ANO4: variants seen among roughly 807,000 people sequenced by gnomAD.
ANO4 encodes the protein anoctamin 4.
ANO4 carries 69 observed loss-of-function variants against 141.9 expected under a neutral mutation model. The ratio of observed to expected loss-of-function variants is 0.49; its 90% CI spans 0.40 to 0.59. ANO4 has a LOEUF of 0.59. Among genes scored for constraint, ANO4 ranks in the 20% least tolerant of loss-of-function variants. ANO4 has a pLI of 0.00. For synonymous variants in ANO4, 350 were observed against 394.3 expected (o/e 0.89, Z 1.33); for missense variants, 894 against 1,162.2 (o/e 0.77, Z 3.36).
At chr12:100,861,889 A>T (rs1300052245) in intron 1 of ANO4, among the ~76,000 whole-genome samples, 2 of 152,094 alleles carry the variant, frequency 1.3e-5, no homozygotes, top group Non-Finnish European at 2.9e-5. Flanking sequence ...AAACTCACAC[A>T]TTAGCGTAGG....
intron 1 of ANO4, among the ~76,000 whole-genome samples, chr12:100,894,958 T>C (rs2040276463): frequency 8.3e-6 from 1 of 120,006 alleles, no homozygotes; most frequent in Non-Finnish European, 1.7e-5. Flanking sequence ...AGAGCGAGAC[T>C]CCATCTCAAA....
At chr12:100,949,943 A>G (rs1350386985) in intron 5 of ANO4, among the ~76,000 whole-genome samples, 5 of 152,298 alleles carry the variant, frequency 3.3e-5, no homozygotes, top group East Asian at 1.9e-4. Flanking sequence ...AAATCTTCAC[A>G]AAGATTTCCC....
At chr12:100,953,065 A>T (rs1462748654) in intron 5 of ANO4, among the ~76,000 whole-genome samples, 1 of 152,226 alleles carries the variant, frequency 6.6e-6, no homozygotes. Flanking sequence ...TATTTAATCT[A>T]AAAGATTTCT....
intron 3 of ANO4, among the ~76,000 whole-genome samples, chr12:100,765,379 CT>C (rs71091461): frequency 7.6e-4 from 95 of 125,366 alleles, no homozygotes; most frequent in Middle Eastern, 4.6e-3. Flanking sequence ...TTCTTTCTTT[CT>C]TTTTTTTTTT....
intron 1 of ANO4, among the ~76,000 whole-genome samples, chr12:100,834,918 C>T (rs1007837826): frequency 1.3e-5 from 2 of 151,948 alleles, no homozygotes; most frequent in African/African-American, 2.4e-5. Flanking sequence ...TCCCCTGGCA[C>T]GTTAAGGACC....
chr12:100,905,104 T>A (rs1049495411), intron 2 of ANO4, among the ~76,000 whole-genome samples: 13 of 152,054 alleles, frequency 8.5e-5, no homozygotes, highest in African/African-American at 3.1e-4. Flanking sequence ...TGGGGCTGAG[T>A]TCAGAAGTTT....
chr12:100,918,333 A>G (rs536496143), intron 2 of ANO4, among the ~76,000 whole-genome samples: 101 of 152,334 alleles, frequency 6.6e-4, no homozygotes, highest in Non-Finnish European at 1.2e-3. Context: ...TCTCAAAAAA[A>G]TATTTTTATT....
At chr12:101,120,049 A>G (rs1400934507) in intron 25 of ANO4, among the ~76,000 whole-genome samples, 2 of 152,214 alleles carry the variant, frequency 1.3e-5, no homozygotes, top group African/African-American at 4.8e-5. Context: ...AAGGGGTGAT[A>G]TGAGCTTCAG....
intron 5 of ANO4, among the ~76,000 whole-genome samples, chr12:100,958,504 C>T (rs1346662330): frequency 6.6e-6 from 1 of 152,114 alleles, no homozygotes; most frequent in Admixed American, 6.6e-5. Context: ...TGAGGGAAAC[C>T]GTGAACAATA....
At chr12:100,929,298 C>G (rs2041997408) in intron 3 of ANO4, among the ~76,000 whole-genome samples, 1 of 152,052 alleles carries the variant, frequency 6.6e-6, no homozygotes, top group Non-Finnish European at 1.5e-5. Flanking sequence ...TGGTAACCAC[C>G]ATTCTACTCT....
At chr12:100,896,402 G>A (rs2040357083) in intron 1 of ANO4, among the ~76,000 whole-genome samples, 2 of 151,542 alleles carry the variant, frequency 1.3e-5, no homozygotes, top group Non-Finnish European at 2.9e-5. Flanking sequence ...GAATGCTGGC[G>A]CCCGTGAGAA....
At chr12:100,818,807 G>A (rs886584552) in intron 1 of ANO4, among the ~76,000 whole-genome samples, 2 of 151,838 alleles carry the variant, frequency 1.3e-5, no homozygotes, top group Non-Finnish European at 2.9e-5. Flanking sequence ...ATAATCTGGG[G>A]AATGTTCCTG....
chr12:101,031,234 A>C (rs2046961863), intron 9 of ANO4, among the ~76,000 whole-genome samples: 1 of 152,204 alleles, frequency 6.6e-6, no homozygotes, highest in East Asian at 1.9e-4. Flanking sequence ...AAGCTTAGCC[A>C]CCACAATCAA....
At position 101,097,807 on chromosome 12, in the gene ANO4, C is replaced by T. The variant is rs751757053; in HGVS notation, c.1909-41C>T. 16 of 1,607,782 alleles carry T rather than the reference C, an allele frequency of 1.0e-5. 1 individual carries two copies. Among genetic ancestry groups the T allele is most frequent in the Non-Finnish European group, 1.3e-5 (15 of 1,174,650 alleles). On this transcript the variant is annotated intron_variant, in intron 20 of 27. Coordinates refer to ENST00000392977, the MANE Select transcript of ANO4 (RefSeq NM_001286615.2). ...TATAAACCAGACACCCTTTCTTCCTCTCCATTGATTCTGGAATTTCTGTGT... is the reference window on the plus strand; with the variant it reads ...TATAAACCAGACACCCTTTCTTCCTTTCCATTGATTCTGGAATTTCTGTGT...
chr12:100,836,778 T>C (rs1593470592), intron 1 of ANO4, among the ~76,000 whole-genome samples: 1 of 152,236 alleles, frequency 6.6e-6, no homozygotes, highest in South Asian at 2.1e-4. Context: ...TGATGGCACT[T>C]GAAGAGATGC....
At chr12:100,941,342 C>T (rs949933306) in intron 4 of ANO4, among the ~76,000 whole-genome samples, 6 of 152,064 alleles carry the variant, frequency 3.9e-5, no homozygotes, top group Admixed American at 1.3e-4. Flanking sequence ...TTCTCTTGCT[C>T]TAAAGACAGT....
intron 1 of ANO4, among the ~76,000 whole-genome samples, chr12:100,836,672 C>A (rs946377191): frequency 2.0e-5 from 3 of 151,958 alleles, no homozygotes; most frequent in Non-Finnish European, 4.4e-5. Flanking sequence ...AGGTCATAGG[C>A]AATGCTTCCA....
At chr12:101,020,240 G>A (rs1207620080) in intron 9 of ANO4, 100 bp downstream of exon 9, 2 of 794,480 alleles carry the variant, frequency 2.5e-6, no homozygotes, top group Non-Finnish European at 4.1e-6. Flanking sequence ...AGCAATGCTT[G>A]TCACTTATAA....
intron 2 of ANO4, among the ~76,000 whole-genome samples, chr12:100,909,700 T>A (rs193228184): frequency 8.5e-4 from 129 of 152,322 alleles, no homozygotes; most frequent in Non-Finnish European, 1.5e-3. Flanking sequence ...ACCATTCAGA[T>A]GCAGGAAAGA....
Sources: allele counts gnomAD v4.1 joint callset (sites outside exome capture counted in the v4.1 genomes callset), GRCh38; gene constraint gnomAD v4.1.1; transcripts MANE v1.5; gene names NCBI Gene and HGNC (gene_info 2026-07-23, HGNC 2026-07-21).